Variants in TENM1 observed in about 807,000 individuals in gnomAD.
The protein encoded by TENM1 is teneurin transmembrane protein 1.
In TENM1, 35 loss-of-function variants were observed where a neutral mutation model predicts 174.8. The observed-to-expected ratio is 0.20, with a 90% CI of 0.15 to 0.27. The LOEUF (loss-of-function observed/expected upper bound fraction) is 0.27. Among genes scored for constraint, TENM1 ranks in the 10% least tolerant of loss-of-function variants. TENM1 has a pLI of 1.00. For missense variants in TENM1, 1,633 were observed against 2,130.1 expected (o/e 0.77, Z 4.59); for synonymous variants, 781 against 798.7 (o/e 0.98, Z 0.37).
At chrX:125,166,207 C>T in the TENM1 span, among the ~76,000 whole-genome samples, 1 of 111,541 alleles carries the variant, frequency 9.0e-6, no homozygotes, top group South Asian at 3.7e-4. Context: ...TGTGTTCACA[C>T]TAGAAAATGA....
At chrX:125,089,371 C>A in the TENM1 span, among the ~76,000 whole-genome samples, 1 of 111,678 alleles carries the variant, frequency 9.0e-6, no homozygotes, top group African/African-American at 3.3e-5. Context: ...TAGCTTTATT[C>A]AACTAAATTC....
chrX:125,135,652 A>T, the TENM1 span, among the ~76,000 whole-genome samples: 29 of 111,987 alleles, frequency 2.6e-4, no homozygotes, highest in African/African-American at 7.4e-4. Context: ...TAACATTGCA[A>T]TGAATGTTAA....
At chrX:125,194,663 T>C in the TENM1 span, among the ~76,000 whole-genome samples, 3 of 112,084 alleles carry the variant, frequency 2.7e-5, no homozygotes, top group Non-Finnish European at 5.6e-5. Context: ...AAATGTGTAC[T>C]AAGCCTCTTC....
At chrX:124,516,423 A>T (rs944087173) in intron 18 of TENM1, among the ~76,000 whole-genome samples, 1 of 112,054 alleles carries the variant, frequency 8.9e-6, no homozygotes, top group African/African-American at 3.2e-5. Flanking sequence ...TAACCTAAAG[A>T]ATAGGAGAAA....
At chrX:124,732,671 C>T (rs771393988) in intron 4 of TENM1, among the ~76,000 whole-genome samples, 1 of 111,716 alleles carries the variant, frequency 9.0e-6, no homozygotes, top group African/African-American at 3.3e-5. Flanking sequence ...GGACATGCAG[C>T]TGAAGGGATG....
chrX:125,029,111 A>C, the TENM1 span, among the ~76,000 whole-genome samples: 1 of 111,876 alleles, frequency 8.9e-6, no homozygotes, highest in Non-Finnish European at 1.9e-5. Flanking sequence ...TAGTGATGGC[A>C]GTTGGCTTGG....
the TENM1 span, among the ~76,000 whole-genome samples, chrX:125,096,676 T>C: frequency 9.0e-6 from 1 of 111,308 alleles, no homozygotes; most frequent in Non-Finnish European, 1.9e-5. Flanking sequence ...GGCAGTTCTC[T>C]GTAAGTGGGA....
At chrX:124,636,490 T>C (rs1003403458) in intron 11 of TENM1, among the ~76,000 whole-genome samples, 1 of 112,253 alleles carries the variant, frequency 8.9e-6, no homozygotes, top group Non-Finnish European at 1.9e-5. Context: ...TTCTTTGTGA[T>C]CCAGAATGGA....
chrX:125,027,156 A>C, the TENM1 span, among the ~76,000 whole-genome samples: 1 of 112,438 alleles, frequency 8.9e-6, no homozygotes, highest in Non-Finnish European at 1.9e-5. Flanking sequence ...AACTGTCTAC[A>C]CAGAAAAATC....
chrX:125,039,980 T>C, the TENM1 span, among the ~76,000 whole-genome samples: 1 of 111,925 alleles, frequency 8.9e-6, no homozygotes, highest in Admixed American at 9.5e-5. Context: ...CAAAGTTTAA[T>C]TGATCTAATT....
chrX:125,097,569 C>G, the TENM1 span, among the ~76,000 whole-genome samples: 1 of 112,323 alleles, frequency 8.9e-6, no homozygotes, highest in Non-Finnish European at 1.9e-5. Context: ...ATACATTTCT[C>G]ACAAATCAAA....
chrX:124,416,754 C>T (rs769306320), intron 25 of TENM1, among the ~76,000 whole-genome samples: 138 of 111,579 alleles, frequency 1.2e-3, no homozygotes, highest in African/African-American at 4.3e-3. Context: ...TGAATTTGTC[C>T]CCCTAAATTC....
chrX:125,097,586 C>T, the TENM1 span, among the ~76,000 whole-genome samples: 2 of 112,303 alleles, frequency 1.8e-5, no homozygotes, highest in African/African-American at 6.5e-5. Context: ...CAAAGCCCCA[C>T]TGATTTTTAG....
intron 1 of TENM1, among the ~76,000 whole-genome samples, chrX:124,959,669 T>C (rs969212958): frequency 9.0e-6 from 1 of 111,238 alleles, no homozygotes; most frequent in Non-Finnish European, 1.9e-5. Context: ...CATCTTAAAC[T>C]TAACATGTCT....
chrX:124,800,006 G>C (rs1026653213), intron 3 of TENM1, among the ~76,000 whole-genome samples: 2 of 111,816 alleles, frequency 1.8e-5, no homozygotes, highest in Admixed American at 1.9e-4. Flanking sequence ...CAGTTTGCTG[G>C]TATTTTATTG....
chrX:124,651,844 C>A, intron 8 of TENM1, 70 bp downstream of exon 11: 1 of 1,161,649 alleles, frequency 8.6e-7, no homozygotes. Context: ...ACCCCCAGGA[C>A]ACTGTCATCA....
intron 23 of TENM1, among the ~76,000 whole-genome samples, chrX:124,439,506 G>A (rs2060881091): frequency 9.0e-6 from 1 of 111,248 alleles, no homozygotes; most frequent in Non-Finnish European, 1.9e-5. Context: ...TCTAGACAGA[G>A]CTTCACATCA....
At chrX:125,005,763 C>G in the TENM1 span, among the ~76,000 whole-genome samples, 1,590 of 110,971 alleles carry the variant, frequency 0.014, 42 homozygotes, top group African/African-American at 0.048. Context: ...GTCGCTTCAC[C>G]TGGGAAGTGC....
chrX:124,588,882 C>A (rs1569328113), intron 11 of TENM1, among the ~76,000 whole-genome samples: 1 of 109,975 alleles, frequency 9.1e-6, no homozygotes, highest in Non-Finnish European at 1.9e-5. Context: ...TATTTGGATG[C>A]CTTTTATTTC....
Sources: allele counts gnomAD v4.1 joint callset (sites outside exome capture counted in the v4.1 genomes callset), GRCh38; gene constraint gnomAD v4.1.1; transcripts MANE v1.5; gene names NCBI Gene and HGNC (gene_info 2026-07-23, HGNC 2026-07-21).